The following SOX6 variants were observed in gnomAD, a reference collection of about 807,000 sequenced individuals.
The protein encoded by SOX6 is transcription factor SOX-6.
SOX6 carries 11 observed loss-of-function variants against 97.8 expected under a neutral mutation model. The ratio of observed to expected loss-of-function variants is 0.11; its 90% CI spans 0.07 to 0.19. SOX6 has a LOEUF of 0.19. Ranked by LOEUF, SOX6 falls within the 10% of genes least tolerant of loss-of-function variation. The pLI is 1.00. For missense variants in SOX6, 810 were observed against 1,039.5 expected (o/e 0.78, Z 3.04); for synonymous variants, 360 against 371.4 (o/e 0.97, Z 0.35).
intron 3 of SOX6, among the ~76,000 whole-genome samples, chr11:16,259,901 T>C (rs1381018251): frequency 6.6e-6 from 1 of 151,678 alleles, no homozygotes. Context: ...ACACTTAAGA[T>C]TGCATATTTT....
chr11:16,357,731 T>C (rs905226593), upstream of SOX6, among the ~76,000 whole-genome samples: 1 of 152,170 alleles, frequency 6.6e-6, no homozygotes, highest in African/African-American at 2.4e-5. Context: ...AAATAATGCT[T>C]AGTAGATGCA....
At position 16,607,897 on chromosome 11, in the gene SOX6, G is replaced by T. The variant is rs942596280; in HGVS notation, n.609+4184C>A. 6.6e-6 allele frequency among the ~76,000 whole-genome samples: 1 copy of T among 152,012 alleles called. No homozygotes were observed. The highest frequency in any genetic ancestry group is 1.5e-5 in the Non-Finnish European group (1 of 67,986). ...TGGGAGGGAGGAGGGCGGGCCGGGG[G>T]AAGAAGGAGGGGAGAGCGGGAGGCA... On this transcript the variant is annotated intron_variant and non_coding_transcript_variant, in intron 4 of 5. Transcript: ENST00000524520. This position sits in a 1 kb window ranked among gnomAD's most constrained non-coding sequence, Gnocchi z 6.5.
rs576305961 is a variant in SOX6, at chr11:16,354,107, C to T, written c.-5+1987G>A. Among the ~76,000 whole-genome samples the T allele has an allele frequency of 3.9e-5, 6 of 152,086 alleles. 2 individuals are homozygous for T. In the South Asian group the frequency reaches 1.2e-3, roughly 32 times the overall value. ...AAAGGTTTAGAGGAAAGACTTAAAT[C>T]TCATTTACTATGTCTGTGAACTTCA... On this transcript the variant is annotated intron_variant, in intron 1 of 15. Coordinates refer to ENST00000683767, the MANE Select transcript of SOX6 (RefSeq NM_001367873.1).
Position 16,183,239 on chromosome 11 carries a change from C to A in SOX6, c.777+647G>T, listed in dbSNP as rs1590005090. Among the ~76,000 whole-genome samples the A allele has an allele frequency of 2.0e-5, 3 of 152,084 alleles. No individual in the cohort carries two copies. In the South Asian group the frequency reaches 6.2e-4, roughly 32 times the overall value. Reference sequence around the variant, plus strand: ...AAAAGAATGTCGGAAATCAGACCATCACCTTTCCTCCCCAGATCATTGTAA... The same window carrying A: ...AAAAGAATGTCGGAAATCAGACCATAACCTTTCCTCCCCAGATCATTGTAA... On this transcript the variant is annotated intron_variant, in intron 6 of 15. Transcript: ENST00000683767.
intron 4 of SOX6, among the ~76,000 whole-genome samples, chr11:16,191,845 TTTTTTTTC>T (rs1438900334): frequency 3.4e-4 from 30 of 88,294 alleles, no homozygotes; most frequent in African/African-American, 7.5e-4. Flanking sequence ...CAGCAGGGTT[TTTTTTTTC>T]TTTTTTTTCT....
chr11:16,485,452 C>G (rs891032699), intron 4 of SOX6, among the ~76,000 whole-genome samples: 2 of 151,980 alleles, frequency 1.3e-5, no homozygotes, highest in African/African-American at 4.8e-5. Flanking sequence ...AGCCAGGCTG[C>G]CAGGTGCAGT....
At chr11:16,516,855 G>A (rs545878900) in intron 4 of SOX6, among the ~76,000 whole-genome samples, 1 of 151,358 alleles carries the variant, frequency 6.6e-6, no homozygotes, top group Non-Finnish European at 1.5e-5. Flanking sequence ...TGATACCAAA[G>A]TCGGGCAGAG....
At chr11:16,047,704 G>A (rs1322181047) in intron 11 of SOX6, among the ~76,000 whole-genome samples, 1 of 40,262 alleles carries the variant, frequency 2.5e-5, no homozygotes, top group Middle Eastern at 0.01. Flanking sequence ...TTCATAGCGT[G>A]TGTGTGTGTG....
At chr11:16,649,924 G>A (rs1200218099) in intron 3 of SOX6, among the ~76,000 whole-genome samples, 1 of 152,066 alleles carries the variant, frequency 6.6e-6, no homozygotes, top group Non-Finnish European at 1.5e-5. Flanking sequence ...TAACCGAAAG[G>A]TAAAGGGGTA....
chr11:16,210,332 G>A (rs1290683394), intron 4 of SOX6, among the ~76,000 whole-genome samples: 1 of 152,196 alleles, frequency 6.6e-6, no homozygotes, highest in Non-Finnish European at 1.5e-5. Context: ...ACTGATACAT[G>A]CTACAACATG....
intron 7 of SOX6, among the ~76,000 whole-genome samples, chr11:16,103,217 T>C (rs566248121): frequency 5.3e-5 from 8 of 151,530 alleles, no homozygotes; most frequent in East Asian, 3.9e-4. Flanking sequence ...GCAAAGGACA[T>C]GAATAGACAA....
At chr11:16,518,097 C>G (rs1861002182) in intron 4 of SOX6, among the ~76,000 whole-genome samples, 1 of 152,130 alleles carries the variant, frequency 6.6e-6, no homozygotes, top group Admixed American at 6.6e-5. Flanking sequence ...TTTGGCTCCA[C>G]AGCAGTCCTA....
chr11:16,679,351 T>C (rs1279848980), intron 3 of SOX6, among the ~76,000 whole-genome samples: 1 of 152,016 alleles, frequency 6.6e-6, no homozygotes, highest in Non-Finnish European at 1.5e-5. Flanking sequence ...TCCAGCAAAC[T>C]CCAACAGACC....
chr11:16,462,714 C>T (rs1859954706), intron 1 of SOX6, among the ~76,000 whole-genome samples: 1 of 152,192 alleles, frequency 6.6e-6, no homozygotes, highest in Non-Finnish European at 1.5e-5. Context: ...AGGCTAAGTG[C>T]TCCTTTGGTT....
At chr11:16,674,941 G>A (rs1481359143) in intron 3 of SOX6, among the ~76,000 whole-genome samples, 1 of 151,970 alleles carries the variant, frequency 6.6e-6, no homozygotes, top group Non-Finnish European at 1.5e-5. Flanking sequence ...TGGGTGACAG[G>A]GTGAGACTCT....
intron 3 of SOX6, among the ~76,000 whole-genome samples, chr11:16,703,136 A>G (rs1848107130): frequency 6.6e-6 from 1 of 151,902 alleles, no homozygotes; most frequent in Non-Finnish European, 1.5e-5. Flanking sequence ...TATGCATAGC[A>G]TGGTTTACTA....
intron 1 of SOX6, among the ~76,000 whole-genome samples, chr11:16,428,100 ATG>A (rs1859189448): frequency 6.6e-6 from 1 of 152,156 alleles, no homozygotes; most frequent in Non-Finnish European, 1.5e-5. Context: ...GCATTTTTAC[ATG>A]TGTCTTTTGG....
At chr11:16,475,423 C>T (rs1218359246) in intron 1 of SOX6, among the ~76,000 whole-genome samples, 1 of 152,126 alleles carries the variant, frequency 6.6e-6, no homozygotes, top group Non-Finnish European at 1.5e-5. Flanking sequence ...TTCATTTGAA[C>T]ACTTAGAAGT....
intron 3 of SOX6, among the ~76,000 whole-genome samples, chr11:16,704,799 G>A (rs1848119491): frequency 6.6e-6 from 1 of 152,124 alleles, no homozygotes; most frequent in Non-Finnish European, 1.5e-5. Context: ...AATAAACTAG[G>A]TTACCTTCTG....
Sources: gnomAD v4.1 joint callset for allele counts (sites outside exome capture counted in the v4.1 genomes callset) on GRCh38, gnomAD v4.1.1 for gene constraint, Gnocchi (gnomAD v3.1) non-coding constraint, MANE v1.5 for transcripts, NCBI Gene and HGNC (gene_info 2026-07-23, HGNC 2026-07-21) for gene names.